The following DGKH variants were observed in gnomAD, a reference collection of about 807,000 sequenced individuals.
The protein encoded by DGKH is DAG kinase eta.
In DGKH, 90 loss-of-function variants were observed where a neutral mutation model predicts 159.3. The ratio of observed to expected loss-of-function variants is 0.57; its 90% CI spans 0.48 to 0.67. The LOEUF is 0.67. Among genes scored for constraint, DGKH ranks in the 30% least tolerant of loss-of-function variants. The pLI is 0.00. For missense variants in DGKH, 1,181 were observed against 1,506.1 expected, an observed-to-expected ratio of 0.78 and a Z score of 3.57; for synonymous variants, 536 against 553.8, an observed-to-expected ratio of 0.97 and a Z score of 0.45.
chr13:42,191,859 T>G (rs1957077178), intron 16 of DGKH, among the ~76,000 whole-genome samples: 1 of 152,224 alleles, frequency 6.6e-6, no homozygotes, highest in South Asian at 2.1e-4. Context: ...TGTTTTTATC[T>G]TATTCTCAAA....
chr13:42,043,807 AT>A (rs1880650484), upstream of DGKH: 1 of 152,048 alleles, frequency 6.6e-6, no homozygotes, highest in Non-Finnish European at 1.5e-5. Context: ...GGGCATGTAC[AT>A]ATAACAATAG....
At chr13:42,176,786 C>A (rs1218186253) in intron 12 of DGKH, among the ~76,000 whole-genome samples, 1 of 152,072 alleles carries the variant, frequency 6.6e-6, no homozygotes, top group Non-Finnish European at 1.5e-5. Context: ...TAGAGCAGAT[C>A]ATTTATACTA....
At chr13:42,178,593 A>G (rs1467756096) in intron 13 of DGKH, among the ~76,000 whole-genome samples, 2 of 152,240 alleles carry the variant, frequency 1.3e-5, no homozygotes, top group Admixed American at 1.3e-4. Context: ...AACTGTTTAC[A>G]TCACATTAGA....
chr13:42,168,698 CT>C lies in DGKH; in HGVS notation c.1250del (p.Leu417TrpfsTer27). 1.9e-6 allele frequency: 3 copies of C among 1,614,092 alleles called. No individual in the cohort carries two copies. The highest frequency in any genetic ancestry group is 2.5e-6 in the Non-Finnish European group (3 of 1,179,998). Reference sequence around the variant, plus strand: ...TTTCAGTGTCAGCTGGGAGTGTTGCCTTTGGGTACAGGAAATGACCTTGCCC... The same window carrying C: ...TTTCAGTGTCAGCTGGGAGTGTTGCCTTGGGTACAGGAAATGACCTTGCCC... ...LNKQCQLGVL[P>X]LGTGNDLARV... is the part of the protein sequence containing the mutation. On this transcript the variant is annotated frameshift_variant, in exon 11 of 30. Transcript: ENST00000337343. LOFTEE classifies it high-confidence loss of function.
At chr13:42,181,276 CAAAAAAAAAAAAA>C (rs34220072) in intron 13 of DGKH, among the ~76,000 whole-genome samples, 2 of 81,238 alleles carry the variant, frequency 2.5e-5, no homozygotes, top group Non-Finnish European at 4.9e-5. Context: ...GACTCTGTCT[CAAAAAAAAAAAAA>C]AAAAAAAAAA....
intron 17 of DGKH, among the ~76,000 whole-genome samples, chr13:42,196,932 A>G (rs2138141112): frequency 6.6e-6 from 1 of 152,324 alleles, no homozygotes; most frequent in East Asian, 1.9e-4. Flanking sequence ...AGCTGAAAGG[A>G]ATATGGCTAA....
Position 42,240,377 on chromosome 13 carries a change from T to C in DGKH, c.*11189T>C, listed in dbSNP as rs994179247. 2.0e-5 allele frequency: 3 copies of C among 152,212 alleles called. No individual in the cohort carries two copies. Among genetic ancestry groups the C allele is most frequent in the Non-Finnish European group, 4.4e-5 (3 of 68,042 alleles). The allele number at this position is 152,212 out of a possible 1,614,324, so 9.4% of individuals were successfully genotyped here. A position where few individuals can be genotyped will look rare whatever the true frequency, so the allele number is the denominator to read the frequency against. The stretch of plus-strand genomic sequence containing the variant: ...ATCAGAAATATTGGCCAAATCAGAA[T>C]TCTTGTTTCTAAAATGAGGCTTCTA... On this transcript the variant is annotated 3_prime_UTR_variant, in exon 30 of 30. Transcript: ENST00000337343.
chr13:42,089,211 A>G (rs1188376820), intron 1 of DGKH, among the ~76,000 whole-genome samples: 3 of 152,226 alleles, frequency 2.0e-5, no homozygotes, highest in Non-Finnish European at 4.4e-5. Flanking sequence ...GAACAAGTAG[A>G]CAAAAATCAG....
intron 1 of DGKH, among the ~76,000 whole-genome samples, chr13:42,056,950 G>A (rs768105115): frequency 6.6e-6 from 1 of 151,876 alleles, no homozygotes; most frequent in Non-Finnish European, 1.5e-5. Flanking sequence ...TCATCATGCC[G>A]TTTTGCATTT....
intron 1 of DGKH, among the ~76,000 whole-genome samples, chr13:42,105,657 C>T (rs2137786308): frequency 6.6e-6 from 1 of 152,290 alleles, no homozygotes; most frequent in Admixed American, 6.5e-5. Flanking sequence ...GTTTATTCTT[C>T]CACATGCTAG....
At chr13:42,133,899 T>G (rs1461342349) in intron 3 of DGKH, among the ~76,000 whole-genome samples, 1 of 152,158 alleles carries the variant, frequency 6.6e-6, no homozygotes, top group Admixed American at 6.5e-5. Flanking sequence ...TATCTTACCT[T>G]CCTCAATTAT....
At chr13:42,067,710 T>C (rs1321876136) in intron 1 of DGKH, among the ~76,000 whole-genome samples, 4 of 144,358 alleles carry the variant, frequency 2.8e-5, no homozygotes. Flanking sequence ...AATTAATTAA[T>C]TTTTTTTTTG....
chr13:42,093,161 C>T (rs568803762), intron 1 of DGKH, among the ~76,000 whole-genome samples: 1 of 151,534 alleles, frequency 6.6e-6, no homozygotes, highest in South Asian at 2.1e-4. Flanking sequence ...GGAGGATTAC[C>T]TGAGCCCGGA....
At chr13:42,164,043 G>T (rs546321699) in intron 7 of DGKH, among the ~76,000 whole-genome samples, 1 of 151,974 alleles carries the variant, frequency 6.6e-6, no homozygotes, top group Non-Finnish European at 1.5e-5. Flanking sequence ...TTTTGTATAA[G>T]GTGTAAGGAA....
chr13:42,112,409 G>A (rs1407130728), intron 1 of DGKH, among the ~76,000 whole-genome samples: 4 of 151,598 alleles, frequency 2.6e-5, no homozygotes, highest in Non-Finnish European at 5.9e-5. Context: ...GGCCTCCTGA[G>A]TAGGTGGGAC....
At chr13:42,195,301 C>A (rs1043556392) in intron 17 of DGKH, among the ~76,000 whole-genome samples, 9 of 150,238 alleles carry the variant, frequency 6.0e-5, no homozygotes, top group African/African-American at 1.9e-4. Flanking sequence ...GAGTTCGAGA[C>A]AAGCCTGGCC....
chr13:42,200,036 G>GT, intron 20 of DGKH, 127 bp downstream of exon 20: 1 of 749,350 alleles, frequency 1.3e-6, no homozygotes, highest in Non-Finnish European at 2.1e-6. Context: ...AAAAATGAAT[G>GT]TGATTATCAA....
chr13:42,156,009 T>TA lies in DGKH; in HGVS notation c.622+221dup, dbSNP rs145203018. Among the ~76,000 whole-genome samples, 40 of 148,842 alleles carry TA rather than the reference T, an allele frequency of 2.7e-4. No homozygotes were observed. The East Asian group carries it at 3.5e-3, about 13-fold the overall frequency. On this transcript the variant is annotated intron_variant, in intron 5 of 29. Transcript: ENST00000337343. ...CCCCAAGAAACTAGGAACTACTGTC[T>TA]AAAAAAAAAAATCTTTGGACTTTGT...
At chr13:42,161,810 A>G (rs1956189556) in intron 7 of DGKH, among the ~76,000 whole-genome samples, 1 of 151,942 alleles carries the variant, frequency 6.6e-6, no homozygotes, top group African/African-American at 2.4e-5. Flanking sequence ...GAAAAGAAAA[A>G]GAAAACACAT....
Sources: allele counts gnomAD v4.1 joint callset (sites outside exome capture counted in the v4.1 genomes callset), GRCh38; gene constraint gnomAD v4.1.1; transcripts MANE v1.5; gene names NCBI Gene and HGNC (gene_info 2026-07-23, HGNC 2026-07-21).